Variants in CSMD1 observed in about 807,000 individuals in gnomAD.
The protein encoded by CSMD1 is CUB and sushi domain-containing protein 1.
CSMD1 carries 213 observed loss-of-function variants against 417.5 expected under a neutral mutation model. That is an observed-to-expected ratio of 0.51 (90% CI 0.46 to 0.57). The LOEUF (loss-of-function observed/expected upper bound fraction) is 0.57. CSMD1 is among the 20% of genes least tolerant of loss of function. The pLI is 0.00. For synonymous variants in CSMD1, 2,862 were observed against 1,736.8 expected, an observed-to-expected ratio of 1.65 and a Z score of -16.11; for missense variants, 6,923 against 4,529.7, an observed-to-expected ratio of 1.53 and a Z score of -15.17.
At chr8:3,649,956 C>A (rs548211807) in intron 7 of CSMD1, among the ~76,000 whole-genome samples, 2 of 148,170 alleles carry the variant, frequency 1.3e-5, no homozygotes, top group South Asian at 2.1e-4. Context: ...TTTTAAAAAA[C>A]AATCTTAAAT....
At chr8:4,632,845 G>C (rs948702325) in intron 2 of CSMD1, among the ~76,000 whole-genome samples, 10 of 152,216 alleles carry the variant, frequency 6.6e-5, no homozygotes, top group Non-Finnish European at 4.4e-5. Context: ...ATTCAGACCG[G>C]TAGAGGGAGA....
At chr8:4,069,471 T>C (rs1799431843) in intron 3 of CSMD1, among the ~76,000 whole-genome samples, 1 of 152,192 alleles carries the variant, frequency 6.6e-6, no homozygotes, top group Admixed American at 6.5e-5. Flanking sequence ...CGCAGGATAT[T>C]ATCTCTAGGT....
At chr8:3,904,991 A>G (rs1256777457) in intron 5 of CSMD1, among the ~76,000 whole-genome samples, 1 of 152,084 alleles carries the variant, frequency 6.6e-6, no homozygotes, top group African/African-American at 2.4e-5. Context: ...AAGAAGTACC[A>G]AGTTACAAAT....
chr8:4,814,638 G>A (rs559392050), intron 1 of CSMD1, among the ~76,000 whole-genome samples: 2 of 152,150 alleles, frequency 1.3e-5, no homozygotes, highest in African/African-American at 2.4e-5. Context: ...GGGTCTTCAT[G>A]TGCTGTATAC....
At chr8:4,040,435 C>T (rs145633281) in intron 3 of CSMD1, among the ~76,000 whole-genome samples, 1 of 152,274 alleles carries the variant, frequency 6.6e-6, no homozygotes, top group Non-Finnish European at 1.5e-5. Context: ...CTGTTAAGAA[C>T]TGGTAGTAGA....
At chr8:3,674,619 A>G (rs1563260227) in intron 7 of CSMD1, among the ~76,000 whole-genome samples, 1 of 152,156 alleles carries the variant, frequency 6.6e-6, no homozygotes, top group African/African-American at 2.4e-5. Context: ...AGATATTAAT[A>G]TCCTTATTTT....
intron 52 of CSMD1, among the ~76,000 whole-genome samples, chr8:3,000,837 G>A (rs1276048009): frequency 2.6e-5 from 4 of 152,148 alleles, no homozygotes; most frequent in African/African-American, 7.2e-5. Flanking sequence ...GCGCGAGATC[G>A]CGACAGGCGT....
At chr8:3,832,719 G>A (rs1427002909) in intron 5 of CSMD1, among the ~76,000 whole-genome samples, 1 of 152,072 alleles carries the variant, frequency 6.6e-6, no homozygotes, top group Non-Finnish European at 1.5e-5. Flanking sequence ...AACAAAAATA[G>A]GACTTACACC....
intron 2 of CSMD1, among the ~76,000 whole-genome samples, chr8:4,481,074 C>T (rs1312292587): frequency 6.6e-6 from 1 of 152,190 alleles, no homozygotes; most frequent in Admixed American, 6.5e-5. Flanking sequence ...ATCTAAATAT[C>T]ACCTAAGTAG....
intron 2 of CSMD1, among the ~76,000 whole-genome samples, chr8:4,546,085 C>T (rs919134568): frequency 3.9e-5 from 6 of 152,168 alleles, no homozygotes; most frequent in African/African-American, 1.4e-4. Context: ...CACCCTCACC[C>T]AGGTATAAAT....
intron 11 of CSMD1, among the ~76,000 whole-genome samples, chr8:3,490,059 T>A (rs1251666305): frequency 6.6e-6 from 1 of 152,222 alleles, no homozygotes; most frequent in Non-Finnish European, 1.5e-5. Flanking sequence ...AAAGTATTTG[T>A]CGATGTATCG....
At chr8:4,043,275 C>T (rs892178853) in intron 3 of CSMD1, among the ~76,000 whole-genome samples, 1 of 151,982 alleles carries the variant, frequency 6.6e-6, no homozygotes, top group Non-Finnish European at 1.5e-5. Context: ...TAAAACGAAT[C>T]ACAGAAAGTA....
chr8:4,136,709 T>C (rs552290137), intron 3 of CSMD1, among the ~76,000 whole-genome samples: 1 of 152,318 alleles, frequency 6.6e-6, no homozygotes, highest in South Asian at 2.1e-4. Context: ...ACGTAACATC[T>C]TATGTAGCCA....
chr8:4,936,769 T>G (rs1807648023), intron 1 of CSMD1, among the ~76,000 whole-genome samples: 1 of 152,250 alleles, frequency 6.6e-6, no homozygotes, highest in African/African-American at 2.4e-5. Context: ...TCTATATGTG[T>G]TGTCCCTAAA....
At chr8:4,174,286 T>A (rs1797921262) in intron 3 of CSMD1, among the ~76,000 whole-genome samples, 1 of 152,140 alleles carries the variant, frequency 6.6e-6, no homozygotes, top group South Asian at 2.1e-4. Flanking sequence ...GCTAAGTATT[T>A]CATCATTTTT....
intron 5 of CSMD1, among the ~76,000 whole-genome samples, chr8:3,911,870 C>G (rs1480516729): frequency 1.3e-5 from 2 of 152,192 alleles, no homozygotes; most frequent in Non-Finnish European, 2.9e-5. Flanking sequence ...CATCTGTGTT[C>G]CATCTTCTTA....
intron 6 of CSMD1, among the ~76,000 whole-genome samples, chr8:3,751,855 A>G (rs1797359221): frequency 6.6e-6 from 1 of 152,220 alleles, no homozygotes; most frequent in Admixed American, 6.5e-5. Flanking sequence ...TTGTTCAGTT[A>G]CTGAGAGCTC....
chr8:4,594,747 C>T, intron 2 of CSMD1, among the ~76,000 whole-genome samples: 1 of 152,132 alleles, frequency 6.6e-6, no homozygotes, highest in Admixed American at 6.5e-5. Context: ...GTTCACATGG[C>T]TATCTTTCCT....
intron 2 of CSMD1, among the ~76,000 whole-genome samples, chr8:4,499,310 A>T (rs1585169466): frequency 6.6e-6 from 1 of 152,232 alleles, no homozygotes. Context: ...AACGCTTGGG[A>T]TTAAGAACCA....
Sources: allele counts gnomAD v4.1 joint callset (sites outside exome capture counted in the v4.1 genomes callset), GRCh38; gene constraint gnomAD v4.1.1; transcripts MANE v1.5; gene names NCBI Gene and HGNC (gene_info 2026-07-23, HGNC 2026-07-21).